Variants in SLC25A35 observed in about 807,000 individuals in gnomAD.
SLC25A35 encodes solute carrier family 25 member 35.
In SLC25A35, 32 loss-of-function variants were observed where a neutral mutation model predicts 30.5. The ratio of observed to expected loss-of-function variants is 1.05; its 90% CI spans 0.79 to 1.41. The LOEUF (loss-of-function observed/expected upper bound fraction) is 1.41, where lower values mean the gene tolerates loss of function less well. SLC25A35 is among the 40% of genes most tolerant of loss of function. The pLI is 0.00. For synonymous variants in SLC25A35, 142 were observed against 158.1 expected, an observed-to-expected ratio of 0.90 and a Z score of 0.77; for missense variants, 369 against 388.0, an observed-to-expected ratio of 0.95 and a Z score of 0.41.
At chr17:8,294,326 G>A (rs1990716788) in intron 1 of SLC25A35, 107 bp downstream of exon 1, 2 of 1,250,884 alleles carry the variant, frequency 1.6e-6, no homozygotes, top group Non-Finnish European at 1.1e-6. Flanking sequence ...GCCTTTCCCT[G>A]CTTGCAGTGG....
At chr17:8,289,188 C>T (rs1024017853), downstream of SLC25A35, 1 of 1,603,862 alleles carries the variant, frequency 6.2e-7, no homozygotes, top group Admixed American at 1.7e-5. Context: ...GGAGCCAGGC[C>T]TGCAACTTAA....
At chr17:8,288,973 C>T (rs200041073), downstream of SLC25A35, 97 of 1,614,142 alleles carry the variant, frequency 6.0e-5, no homozygotes, top group Admixed American at 1.0e-4. Context: ...CGACCGGTCC[C>T]GGACAATCAA....
At chr17:8,288,435 G>GTCAATCAA (rs138372313), downstream of SLC25A35, 35 of 377,872 alleles carry the variant, frequency 9.3e-5, no homozygotes, top group Middle Eastern at 8.4e-4. Context: ...AGCGAGACCT[G>GTCAATCAA]TCAATCAATC....
In SLC25A35 at chr17:8,290,320, A is replaced by G. The variant is rs949551231; in HGVS notation, c.*185T>C. 2.8e-6 allele frequency: 4 copies of G among 1,431,770 alleles called. No homozygotes were observed. In the African/African-American group the frequency reaches 5.7e-5, roughly 21 times the overall value. The allele number at this position is 1,431,770 out of a possible 1,614,324, so 88.7% of individuals were successfully genotyped here. On this transcript the variant is annotated 3_prime_UTR_variant, in exon 5 of 5. Transcript: ENST00000577745. ...GAATGGGTAGGGAAGGTTTAAAGCA[A>G]CACCCAAGGAAAGAAGGGAAACTCA...
intron 2 of SLC25A35, 78 bp downstream of exon 2, chr17:8,292,445 A>C: frequency 1.4e-6 from 2 of 1,406,118 alleles, no homozygotes; most frequent in Admixed American, 3.4e-5. Context: ...CTGGGATTGG[A>C]TCTGTTGGGT....
downstream of SLC25A35, chr17:8,289,213 A>T (rs770266134): frequency 1.4e-5 from 23 of 1,608,072 alleles, no homozygotes; most frequent in Non-Finnish European, 1.7e-5. Flanking sequence ...GCTCCCGGGG[A>T]GGCGACCAGA....
At chr17:8,291,301 C>CG in intron 3 of SLC25A35, 32 bp downstream of exon 3, 2 of 1,610,816 alleles carry the variant, frequency 1.2e-6, no homozygotes, top group South Asian at 2.2e-5. Context: ...CCCCCCTTCC[C>CG]GAAACAGACC....
rs749965855 is a variant in SLC25A35 at position 8,290,533 on chromosome 17, C to A, written c.875G>T (p.Arg292Leu). ...TTTAGTGTCTGTGTAGTAGAGGGAG[C>A]GCAGCTGGTCCCAGAAGAAGAGGGA... is the stretch of plus-strand genomic sequence containing the variant. ...ILSLFFWDQL[R>L]SLYYTDTK The change falls in exon 5 of 5, where the codon CGC (arginine) becomes CTC (leucine). Residue 292 changes from arginine (R) to leucine (L), a missense_variant. Physicochemically the swap from Arg to Leu is moderately radical, Grantham distance 102. Coordinates refer to ENST00000577745, the MANE Select transcript of SLC25A35 (RefSeq NM_001320870.2). 6.5e-7 allele frequency: 1 copy of A among 1,535,966 alleles called. No individual in the cohort carries two copies. Among genetic ancestry groups the A allele is most frequent in the South Asian group, 1.2e-5 (1 of 84,044 alleles).
In SLC25A35 at chr17:8,295,169, A is replaced by T; in HGVS notation, c.-362T>A. 2 of 1,031,354 alleles carry T rather than the reference A, an allele frequency of 1.9e-6. No individual in the cohort carries two copies. The highest frequency in any genetic ancestry group is 3.4e-5 in the African/African-American group (2 of 59,004). 63.9% of individuals were successfully genotyped at this position (1,031,354 alleles called of 1,614,324 possible). On this transcript the variant is annotated 5_prime_UTR_variant, in exon 1 of 5. Transcript: ENST00000577745. ...TAGAGGAGGGAATCGCGGGGTTGGG[A>T]GATGGAAGCCAGGGAGGCAGGAAGA...
At chr17:8,294,002 G>A (rs1306351566) in intron 1 of SLC25A35, among the ~76,000 whole-genome samples, 26 of 143,946 alleles carry the variant, frequency 1.8e-4, no homozygotes, top group African/African-American at 6.3e-4. Flanking sequence ...TGCAAGCTCC[G>A]CCTCCCGGGT....
At chr17:8,288,952 CCAG>C, downstream of SLC25A35, 1 of 1,614,090 alleles carries the variant, frequency 6.2e-7, no homozygotes. Context: ...TCGCCTCACT[CCAG>C]CGACCTCCGA....
chr17:8,294,758 G>T lies in SLC25A35; in HGVS notation c.50C>A (p.Thr17Asn). Residue 17 changes from threonine (T) to asparagine (N), a missense_variant, in exon 1 of 5, where the codon ACC becomes AAC. Coordinates refer to ENST00000577745, the MANE Select transcript of SLC25A35 (RefSeq NM_001320870.2). ...GGTCTTCACCACCTCCAGGGGATTG[G>T]TGAATACACAGGCCCCGCAGGCTGC... Reference protein sequence around the residue: ...GLAACGACVFTNPLEVVKTRM... With the variant: ...GLAACGACVFNNPLEVVKTRM... The T allele has an allele frequency of 6.2e-7, 1 of 1,611,818 alleles. No individual in the cohort carries two copies. The highest frequency in any genetic ancestry group is 8.5e-7 in the Non-Finnish European group (1 of 1,178,452).
chr17:8,289,794 T>C, downstream of SLC25A35: 1 of 1,613,646 alleles, frequency 6.2e-7, no homozygotes, highest in Middle Eastern at 1.8e-4. Context: ...TCTGTCTCCA[T>C]CTGTTCCCCC....
downstream of SLC25A35, chr17:8,289,857 C>T (rs1990345202): frequency 6.2e-7 from 1 of 1,614,192 alleles, no homozygotes; most frequent in Non-Finnish European, 8.5e-7. Context: ...CTGTCACCTG[C>T]ACCCTGGAGC....
At chr17:8,288,825 G>A (rs1368882746), downstream of SLC25A35, 1 of 1,614,070 alleles carries the variant, frequency 6.2e-7, no homozygotes, top group African/African-American at 1.3e-5. Context: ...GTTCGGGGGC[G>A]CCTTTTCCGC....
At chr17:8,289,239 C>G, downstream of SLC25A35, 1 of 1,612,720 alleles carries the variant, frequency 6.2e-7, no homozygotes, top group Non-Finnish European at 8.5e-7. Flanking sequence ...CCCTTCCTGA[C>G]CCCGCTTCCC....
chr17:8,292,352 C>G (rs978391415), intron 2 of SLC25A35, among the ~76,000 whole-genome samples, 171 bp downstream of exon 2: 1 of 152,080 alleles, frequency 6.6e-6, no homozygotes, highest in Non-Finnish European at 1.5e-5. Context: ...GAGCGAGACT[C>G]CATCTAAAAA....
intron 2 of SLC25A35, among the ~76,000 whole-genome samples, chr17:8,291,905 CGGGTGCAG>C (rs1990535997): frequency 6.6e-6 from 1 of 152,062 alleles, no homozygotes; most frequent in Non-Finnish European, 1.5e-5. Context: ...CAAAAATTGC[CGGGTGCAG>C]TGGCTCATGC....
At chr17:8,289,196 T>C (rs902591326), downstream of SLC25A35, 25 of 1,605,192 alleles carry the variant, frequency 1.6e-5, no homozygotes, top group Non-Finnish European at 1.7e-6. Flanking sequence ...GCCTGCAACT[T>C]AAAGATGCTC....
Sources: allele counts gnomAD v4.1 joint callset (sites outside exome capture counted in the v4.1 genomes callset), GRCh38; gene constraint gnomAD v4.1.1; transcripts MANE v1.5; gene names NCBI Gene and HGNC (gene_info 2026-07-23, HGNC 2026-07-21).